Variants in SLC15A2 observed in about 807,000 individuals in gnomAD.
SLC15A2 encodes the protein solute carrier family 15 member 2, also known as kidney H(+)/peptide cotransporter.
Under a neutral mutation model 95.5 loss-of-function variants are expected in SLC15A2, and 77 were observed. The ratio of observed to expected loss-of-function variants is 0.81; its 90% CI spans 0.67 to 0.97. SLC15A2 has a LOEUF of 0.97. Among genes scored for constraint, SLC15A2 ranks in the 50% least tolerant of loss-of-function variants. SLC15A2 has a pLI of 0.00. For synonymous variants in SLC15A2, 306 were observed against 306.9 expected, an observed-to-expected ratio of 1.00 and a Z score of 0.03; for missense variants, 893 against 874.4, an observed-to-expected ratio of 1.02 and a Z score of -0.27.
Position 121,939,495 on chromosome 3 carries a change from G to C in SLC15A2, c.1908G>C (p.Gln636His). The C allele has an allele frequency of 6.7e-7, 1 of 1,491,452 alleles. No homozygotes were observed. The highest frequency in any genetic ancestry group is 8.9e-7 in the Non-Finnish European group (1 of 1,119,860). 92.4% of individuals were successfully genotyped at this position (1,491,452 alleles called of 1,614,324 possible). The change falls in exon 20 of 22, where the codon CAG becomes CAC. Residue 636 changes from glutamine (Q) to histidine (H), a missense_variant and splice_region_variant. Gln to His is a conservative substitution (Grantham distance 24, BLOSUM62 0). Coordinates refer to ENST00000489711, the MANE Select transcript of SLC15A2 (RefSeq NM_021082.4). ...CAGGTCTTGAGTTTTCTTATTCTCA[G>C]GTAAGTTTTTGCAAATAGAAGGTAG... ...SVTGLEFSYSQAPSSMKSVLQ... is the reference protein window; with the variant it reads ...SVTGLEFSYSHAPSSMKSVLQ...
At chr3:121,899,218 T>C (rs545105694) in intron 3 of SLC15A2, among the ~76,000 whole-genome samples, 41 of 152,222 alleles carry the variant, frequency 2.7e-4, no homozygotes, top group Non-Finnish European at 5.4e-4. Flanking sequence ...CTACTTGTGC[T>C]CTCAAATCAA....
In SLC15A2 at chr3:121,944,071, A is replaced by G. The variant is rs1300582038; in HGVS notation, c.*3064A>G. On this transcript the variant is annotated 3_prime_UTR_variant, in exon 22 of 22. Coordinates refer to ENST00000489711, the MANE Select transcript of SLC15A2 (RefSeq NM_021082.4). ...GACACACAAATTGGAAAAGAGGTAT[A>G]AATGCAGTATTATAATCTAATGGGA... 1 of 152,256 alleles carries G rather than the reference A, an allele frequency of 6.6e-6. No individual in the cohort carries two copies. The highest frequency in any genetic ancestry group is 2.4e-5 in the African/African-American group (1 of 41,476). The allele number at this position is 152,256 out of a possible 1,614,324, so 9.4% of individuals were successfully genotyped here. A position where few individuals can be genotyped will look rare whatever the true frequency, so the allele number is the denominator to read the frequency against.
Position 121,923,327 on chromosome 3 carries a change from A to C in SLC15A2, c.1002+61A>C, listed in dbSNP as rs1002418084. On this transcript the variant is annotated intron_variant, in intron 11 of 21. Transcript: ENST00000489711. Reference sequence around the variant, plus strand: ...TTTCTTCATCATCCATATTGGGGAAAAATTAATTTCTTTGTGATTTTGCCT... The same window carrying C: ...TTTCTTCATCATCCATATTGGGGAACAATTAATTTCTTTGTGATTTTGCCT... The C allele has an allele frequency of 3.9e-6, 6 of 1,530,018 alleles. No individual in the cohort carries two copies. The African/African-American group carries it at 6.9e-5, about 18-fold the overall frequency. The allele number at this position is 1,530,018 out of a possible 1,614,324, so 94.8% of individuals were successfully genotyped here.
chr3:121,904,765 G>T lies in SLC15A2; in HGVS notation c.336-6809G>T, dbSNP rs191273163. 3.8e-3 allele frequency among the ~76,000 whole-genome samples: 581 copies of T among 152,330 alleles called. 5 individuals are homozygous for T. The highest frequency in any genetic ancestry group is 0.013 in the African/African-American group (553 of 41,568). ...GGATTCGGTTTGCCAGTATTTTATT[G>T]AGGATTTTCACATTGGTGTTCACCA... On this transcript the variant is annotated intron_variant, in intron 3 of 21. Coordinates refer to ENST00000489711, the MANE Select transcript of SLC15A2 (RefSeq NM_021082.4).
chr3:121,916,513 G>T (rs531644799), intron 7 of SLC15A2, among the ~76,000 whole-genome samples: 2 of 152,302 alleles, frequency 1.3e-5, no homozygotes, highest in South Asian at 4.2e-4. Context: ...GAGTTGATGG[G>T]AGGGCACTGA....
chr3:121,940,627 T>C, intron 21 of SLC15A2, 139 bp downstream of exon 21: 1 of 853,502 alleles, frequency 1.2e-6, no homozygotes, highest in Non-Finnish European at 1.8e-6. Context: ...ATACAGACTT[T>C]ACCAGGAAAA....
At position 121,925,727 on chromosome 3, in the gene SLC15A2, T is replaced by C. The variant is rs1165968213; in HGVS notation, c.1124+694T>C. Among the ~76,000 whole-genome samples the C allele has an allele frequency of 3.7e-3, 20 of 5,472 alleles. 1 individual carries two copies. The South Asian group carries it at 0.047, about 13-fold the overall frequency. 3.6% of individuals were successfully genotyped at this position (5,472 alleles called of 152,430 possible). A position where few individuals can be genotyped will look rare whatever the true frequency, so the allele number is the denominator to read the frequency against. On this transcript the variant is annotated intron_variant, in intron 13 of 21. Transcript: ENST00000489711. ...TTATTACTTAGTAAAGGGGCTAGACTATATATATATATATATATATATATA... is the reference window on the plus strand; with the variant it reads ...TTATTACTTAGTAAAGGGGCTAGACCATATATATATATATATATATATATA...
chr3:121,935,107 A>T (rs946682027), intron 19 of SLC15A2, among the ~76,000 whole-genome samples: 7 of 152,164 alleles, frequency 4.6e-5, no homozygotes, highest in African/African-American at 1.7e-4. Flanking sequence ...CATCCCAGGG[A>T]TGAAGCCCAC....
Position 121,940,404 on chromosome 3 carries a change from T to C in SLC15A2, c.1929T>C (p.Ser643=). 6.2e-7 allele frequency: 1 copy of C among 1,614,088 alleles called. No individual in the cohort carries two copies. Among genetic ancestry groups the C allele is most frequent in the South Asian group, 1.1e-5 (1 of 91,068 alleles). ...SYSQAPSSMK[S]VLQAAWLLTI... Reference sequence around the variant, plus strand: ...CCCAGGCTCCCTCTAGCATGAAATCTGTGCTCCAGGCAGCTTGGCTATTGA... The same window carrying C: ...CCCAGGCTCCCTCTAGCATGAAATCCGTGCTCCAGGCAGCTTGGCTATTGA... The change falls in exon 21 of 22, where the codon TCT becomes TCC. Residue 643 remains serine, a synonymous_variant. Transcript: ENST00000489711.
intron 3 of SLC15A2, among the ~76,000 whole-genome samples, chr3:121,898,983 T>A (rs1709472994): frequency 6.6e-6 from 1 of 152,158 alleles, no homozygotes; most frequent in East Asian, 1.9e-4. Context: ...TTGCTACATA[T>A]GTAGTAGTAG....
chr3:121,935,246 C>A (rs1710315305), intron 19 of SLC15A2, among the ~76,000 whole-genome samples: 1 of 152,032 alleles, frequency 6.6e-6, no homozygotes, highest in Non-Finnish European at 1.5e-5. Flanking sequence ...GTGTCTCTGC[C>A]CGGCTTTGGT....
At chr3:121,898,007 C>A (rs1475721430) in intron 3 of SLC15A2, among the ~76,000 whole-genome samples, 7 of 151,944 alleles carry the variant, frequency 4.6e-5, no homozygotes, top group African/African-American at 1.7e-4. Flanking sequence ...ACTAAAAATA[C>A]AAAAATTGGC....
intron 13 of SLC15A2, among the ~76,000 whole-genome samples, chr3:121,927,290 T>C (rs1414531250): frequency 1.3e-5 from 2 of 152,246 alleles, no homozygotes; most frequent in Non-Finnish European, 2.9e-5. Context: ...CAAAATCTCA[T>C]GTTGAAATGT....
chr3:121,928,416 C>T lies in SLC15A2; in HGVS notation c.1207-5C>T. The stretch of plus-strand genomic sequence containing the variant: ...GTGATTCTGACATGTGTTCTTTGCT[C>T]TAAGGAAATGGCCCCAGCCCAGCCA... On this transcript the variant is annotated splice_polypyrimidine_tract_variant and splice_region_variant and intron_variant, in intron 14 of 21. Transcript: ENST00000489711. 3.1e-6 allele frequency: 5 copies of T among 1,612,762 alleles called. No individual in the cohort carries two copies. Among genetic ancestry groups the T allele is most frequent in the Non-Finnish European group, 4.2e-6 (5 of 1,179,424 alleles).
At chr3:121,915,451 T>A (rs1003189254) in intron 6 of SLC15A2, 134 bp downstream of exon 6, 1 of 796,756 alleles carries the variant, frequency 1.3e-6, no homozygotes, top group Non-Finnish European at 2.1e-6. Context: ...TAGTCTTGAT[T>A]TGTCTGGCCC....
In SLC15A2 at chr3:121,928,335, G is replaced by T. The variant is rs149816971; in HGVS notation, c.1207-86G>T. 429 of 1,486,632 alleles carry T rather than the reference G, an allele frequency of 2.9e-4. 1 individual carries two copies. In the African/African-American group the frequency reaches 5.7e-3, roughly 20 times the overall value. The allele number at this position is 1,486,632 out of a possible 1,614,324, so 92.1% of individuals were successfully genotyped here. Reference sequence around the variant, plus strand: ...TATGTCTACTTGGCTAGTGGACTAGGCTGTCAGAAACAACTGAGATATGTG... The same window carrying T: ...TATGTCTACTTGGCTAGTGGACTAGTCTGTCAGAAACAACTGAGATATGTG... On this transcript the variant is annotated intron_variant, in intron 14 of 21. Transcript: ENST00000489711.
intron 2 of SLC15A2, 118 bp from the exon 3 acceptor site, chr3:121,897,270 G>A: frequency 8.3e-7 from 1 of 1,205,482 alleles, no homozygotes; most frequent in South Asian, 1.5e-5. Context: ...ACTGATAGGA[G>A]TGCTGAAGGC....
At position 121,924,337 on chromosome 3, in the gene SLC15A2, T is replaced by C; in HGVS notation, c.1003-14T>C. The C allele has an allele frequency of 6.2e-7, 1 of 1,612,012 alleles. No homozygotes were observed. The highest frequency in any genetic ancestry group is 8.5e-7 in the Non-Finnish European group (1 of 1,178,254). On this transcript the variant is annotated splice_polypyrimidine_tract_variant and intron_variant, in intron 11 of 21. Transcript: ENST00000489711. ...TTCAGACATCAACTAAATTAATTTG[T>C]TAAAATGTTTCAGGGGTTTTTTGTG... is the stretch of plus-strand genomic sequence containing the variant.
intron 19 of SLC15A2, 67 bp downstream of exon 19, chr3:121,931,802 C>T (rs1020751296): frequency 5.6e-5 from 52 of 924,590 alleles, no homozygotes; most frequent in Non-Finnish European, 7.3e-5. Context: ...ATCCTCTAGG[C>T]AGGGGCAGAA....
Sources: gnomAD v4.1 joint callset for allele counts (sites outside exome capture counted in the v4.1 genomes callset) on GRCh38, gnomAD v4.1.1 for gene constraint, MANE v1.5 for transcripts, NCBI Gene and HGNC (gene_info 2026-07-23, HGNC 2026-07-21) for gene names.